Variants in CTDSP2 observed in about 807,000 individuals in gnomAD.
CTDSP2 encodes the protein carboxy-terminal domain RNA polymerase II polypeptide A small phosphatase 2.
A neutral mutation model predicts 31.6 loss-of-function variants in CTDSP2; 9 were observed. The observed-to-expected ratio is 0.28, with a 90% CI of 0.17 to 0.50. The LOEUF (loss-of-function observed/expected upper bound fraction) is 0.50, where lower values mean the gene tolerates loss of function less well. CTDSP2 is among the 20% of genes least tolerant of loss of function. The probability of loss-of-function intolerance (pLI) is 0.98; values close to 1 mark genes in which losing one functional copy is unlikely to be tolerated. For synonymous variants in CTDSP2, 134 were observed against 134.5 expected, an observed-to-expected ratio of 1.00 and a Z score of 0.03; for missense variants, 267 against 348.5, an observed-to-expected ratio of 0.77 and a Z score of 1.86.
Position 57,822,120 on chromosome 12 carries a change from G to T in CTDSP2, c.*1482C>A, listed in dbSNP as rs899631480. 6.6e-6 allele frequency: 1 copy of T among 152,366 alleles called. No homozygotes were observed. The highest frequency in any genetic ancestry group is 2.4e-5 in the African/African-American group (1 of 41,414). 9.4% of individuals were successfully genotyped at this position (152,366 alleles called of 1,614,324 possible). ...TCCCACCCCAGGAGGAGGGAGGGAG[G>T]GAGGAGAGAACCCCACCCACCCCAG... On this transcript the variant is annotated 3_prime_UTR_variant, in exon 8 of 8. Transcript: ENST00000398073.
At position 57,823,564 on chromosome 12, in the gene CTDSP2, C is replaced by T; in HGVS notation, c.*38G>A. The T allele has an allele frequency of 6.2e-7, 1 of 1,610,098 alleles. No individual in the cohort carries two copies. The highest frequency in any genetic ancestry group is 8.5e-7 in the Non-Finnish European group (1 of 1,178,916). ...TCGTAAAGGCACAGTGTGGGAAAGT[C>T]CCCTACTGGGATGGCCGTCGCTTGG... On this transcript the variant is annotated 3_prime_UTR_variant, in exon 8 of 8. Transcript: ENST00000398073.
intron 1 of CTDSP2, among the ~76,000 whole-genome samples, chr12:57,840,370 G>A (rs567814495): frequency 5.3e-5 from 8 of 152,294 alleles, no homozygotes; most frequent in African/African-American, 1.4e-4. Context: ...TCTCCCCACC[G>A]TACCTGACTG....
chr12:57,841,572 A>G (rs975148257), intron 1 of CTDSP2, among the ~76,000 whole-genome samples: 3 of 152,244 alleles, frequency 2.0e-5, no homozygotes, highest in African/African-American at 7.2e-5. Context: ...AAAGTCCCAC[A>G]GCCCAGGCAG....
At chr12:57,824,195 A>ACTC (rs1956168143) in intron 6 of CTDSP2, 32 bp downstream of exon 6, 2 of 1,609,910 alleles carry the variant, frequency 1.2e-6, no homozygotes, top group South Asian at 2.2e-5. Context: ...CACCACACCC[A>ACTC]CTCCTGGTTC....
At chr12:57,828,421 C>CA (rs1189073935) in intron 2 of CTDSP2, among the ~76,000 whole-genome samples, 1,522 of 62,886 alleles carry the variant, frequency 0.024, 17 homozygotes, top group Middle Eastern at 0.074. Context: ...AACTCCATCT[C>CA]AAAAAAAAAA....
rs566402043 is a variant in CTDSP2, at chr12:57,824,151, G to A, written c.505-62C>T. The A allele has an allele frequency of 6.8e-6, 11 of 1,609,926 alleles. No homozygotes were observed. The Middle Eastern group carries it at 5.0e-4, about 73-fold the overall frequency. On this transcript the variant is annotated intron_variant, in intron 6 of 7. Coordinates refer to ENST00000398073, the MANE Select transcript of CTDSP2 (RefSeq NM_005730.4). ...CCTGGTCCTCCTGTATAACCCTAGG[G>A]ACCAAAAGGGAGCTGCTGGACCACC...
At chr12:57,828,343 C>CG (rs978395955) in intron 2 of CTDSP2, among the ~76,000 whole-genome samples, 6 of 150,910 alleles carry the variant, frequency 4.0e-5, no homozygotes, top group Admixed American at 1.3e-4. Flanking sequence ...CGCTTGAACC[C>CG]GGGAGGCGGA....
chr12:57,844,499 C>G (rs1034177459), intron 1 of CTDSP2, among the ~76,000 whole-genome samples: 1 of 152,184 alleles, frequency 6.6e-6, no homozygotes, highest in Non-Finnish European at 1.5e-5. Context: ...GAGAGGAAGA[C>G]CTAGTGGGGA....
intron 5 of CTDSP2, among the ~76,000 whole-genome samples, chr12:57,825,279 C>T (rs572945388): frequency 6.6e-6 from 1 of 152,310 alleles, no homozygotes; most frequent in East Asian, 1.9e-4. Context: ...CTGCAGGAAC[C>T]CTCTGTTCTA....
At chr12:57,837,282 A>C (rs2140481825) in intron 1 of CTDSP2, 1 of 152,336 alleles carries the variant, frequency 6.6e-6, no homozygotes, top group Middle Eastern at 3.4e-3. Context: ...GACTGCAAAC[A>C]ATGGGGAGGG....
At position 57,846,480 on chromosome 12, in the gene CTDSP2, G is replaced by A. The variant is rs1372671978; in HGVS notation, c.-45C>T. 6 of 1,518,188 alleles carry A rather than the reference G, an allele frequency of 4.0e-6. No individual in the cohort carries two copies. Among genetic ancestry groups the A allele is most frequent in the African/African-American group, 1.4e-5 (1 of 70,070 alleles). The allele number at this position is 1,518,188 out of a possible 1,614,324, so 94.0% of individuals were successfully genotyped here. ...GGGCTGGCTGGGCGGGAGGACGGGC[G>A]GGCGCGCGGGCTGGGCTGGGCTGGG... On this transcript the variant is annotated 5_prime_UTR_variant, in exon 1 of 8. Coordinates refer to ENST00000398073, the MANE Select transcript of CTDSP2 (RefSeq NM_005730.4).
In CTDSP2 at chr12:57,823,559, A is replaced by C. The variant is rs754196907; in HGVS notation, c.*43T>G. ...GCTGATCGTAAAGGCACAGTGTGGG[A>C]AAGTCCCCTACTGGGATGGCCGTCG... On this transcript the variant is annotated 3_prime_UTR_variant, in exon 8 of 8. Coordinates refer to ENST00000398073, the MANE Select transcript of CTDSP2 (RefSeq NM_005730.4). 6.2e-7 allele frequency: 1 copy of C among 1,608,576 alleles called. No homozygotes were observed.
In CTDSP2 at chr12:57,824,029, G is replaced by A. The variant is rs1161842983; in HGVS notation, c.565C>T (p.Arg189Cys). Residue 189 changes from arginine to cysteine, a missense_variant, in exon 7 of 8, where the codon CGT (arginine) becomes TGT (cysteine). This residue lies in a region of CTDSP2 where 156 missense variants were observed against 241.3 expected (regional missense o/e 0.65). Coordinates refer to ENST00000398073, the MANE Select transcript of CTDSP2 (RefSeq NM_005730.4). ...RCGVFRARLF[R>C]ESCVFHQGCY... The stretch of plus-strand genomic sequence containing the variant: ...CCCTGGTGGAACACGCAAGACTCAC[G>A]GAATAGGCGGGCCCGGAACACCCCA... The A allele has an allele frequency of 5.0e-6, 8 of 1,613,992 alleles. No homozygotes were observed. The highest frequency in any genetic ancestry group is 6.8e-6 in the Non-Finnish European group (8 of 1,180,016).
rs1956159701 is a variant in CTDSP2, at chr12:57,823,313, A to G, written c.*289T>C. The G allele has an allele frequency of 2.3e-6, 1 of 427,704 alleles. No homozygotes were observed. Among genetic ancestry groups the G allele is most frequent in the Non-Finnish European group, 4.3e-6 (1 of 230,108 alleles). The allele number at this position is 427,704 out of a possible 1,614,324, so 26.5% of individuals were successfully genotyped here. A position where few individuals can be genotyped will look rare whatever the true frequency, so the allele number is the denominator to read the frequency against. ...GGTCTTTCAGCTTCTCCCCCACTGAAACACTATACACTGGGGCCACAGTTC... is the reference window on the plus strand; with the variant it reads ...GGTCTTTCAGCTTCTCCCCCACTGAGACACTATACACTGGGGCCACAGTTC... On this transcript the variant is annotated 3_prime_UTR_variant, in exon 8 of 8. Transcript: ENST00000398073.
chr12:57,830,360 G>C (rs1956208003), intron 1 of CTDSP2, among the ~76,000 whole-genome samples: 1 of 151,712 alleles, frequency 6.6e-6, no homozygotes, highest in Non-Finnish European at 1.5e-5. Context: ...ACTCCAGCCT[G>C]GATGACAGAG....
chr12:57,840,809 T>A (rs573512492), intron 1 of CTDSP2, among the ~76,000 whole-genome samples: 1 of 152,190 alleles, frequency 6.6e-6, no homozygotes, highest in South Asian at 2.1e-4. Context: ...AATGGAAATG[T>A]CAGATCCACT....
chr12:57,830,430 A>G (rs1956208970), intron 1 of CTDSP2, among the ~76,000 whole-genome samples: 1 of 152,016 alleles, frequency 6.6e-6, no homozygotes, highest in East Asian at 1.9e-4. Context: ...ACCAACAACA[A>G]CAACAACAAC....
chr12:57,838,931 G>A (rs1191253844), intron 1 of CTDSP2, among the ~76,000 whole-genome samples: 2 of 152,202 alleles, frequency 1.3e-5, no homozygotes, highest in Non-Finnish European at 2.9e-5. Flanking sequence ...ATCTCAAAAT[G>A]TTCACATTAA....
At chr12:57,834,910 G>A (rs1299248128) in intron 1 of CTDSP2, among the ~76,000 whole-genome samples, 33 of 152,116 alleles carry the variant, frequency 2.2e-4, no homozygotes, top group Admixed American at 2.2e-3. Context: ...ATCACCTGAG[G>A]TTGGCAGTTT....
Sources: gnomAD v4.1 joint callset for allele counts (sites outside exome capture counted in the v4.1 genomes callset) on GRCh38, gnomAD v4.1.1 for gene constraint, gnomAD v4.1.1 regional missense constraint, MANE v1.5 for transcripts, NCBI Gene and HGNC (gene_info 2026-07-23, HGNC 2026-07-21) for gene names.